Variants in BTBD9 observed in about 807,000 individuals in gnomAD.
The protein encoded by BTBD9 is BTB/POZ domain-containing protein 9.
In BTBD9, 49 loss-of-function variants were observed where a neutral mutation model predicts 64.3. That is an observed-to-expected ratio of 0.76 (90% CI 0.61 to 0.97). The LOEUF is 0.97. BTBD9 is among the 50% of genes least tolerant of loss of function. BTBD9 has a pLI of 0.00. For synonymous variants in BTBD9, 260 were observed against 274.7 expected (o/e 0.95, Z 0.53); for missense variants, 598 against 762.1 (o/e 0.78, Z 2.53).
At chr6:38,335,255 T>A (rs912965177) in intron 7 of BTBD9, among the ~76,000 whole-genome samples, 3 of 62,352 alleles carry the variant, frequency 4.8e-5, no homozygotes, top group Non-Finnish European at 1.1e-4. Flanking sequence ...TAATTTTAAA[T>A]TTTTTTTTTT....
intron 6 of BTBD9, among the ~76,000 whole-genome samples, chr6:38,438,941 C>T (rs1171937438): frequency 6.6e-6 from 1 of 151,960 alleles, no homozygotes; most frequent in Non-Finnish European, 1.5e-5. Context: ...AAAAAGCTGC[C>T]AACAGAGGGG....
chr6:38,310,556 T>C (rs1343531785), intron 7 of BTBD9, among the ~76,000 whole-genome samples: 2 of 152,184 alleles, frequency 1.3e-5, no homozygotes, highest in Non-Finnish European at 2.9e-5. Flanking sequence ...AAAAGTACAA[T>C]AAAAGGTAAT....
intron 6 of BTBD9, among the ~76,000 whole-genome samples, chr6:38,444,753 T>C (rs1375269284): frequency 6.6e-6 from 1 of 152,230 alleles, no homozygotes; most frequent in Non-Finnish European, 1.5e-5. Context: ...CTTGGTTTTA[T>C]ATTAAGTGTA....
intron 6 of BTBD9, among the ~76,000 whole-genome samples, chr6:38,494,395 G>A (rs373379552): frequency 6.6e-6 from 1 of 152,130 alleles, no homozygotes; most frequent in Non-Finnish European, 1.5e-5. Context: ...AAATCAAAGC[G>A]AAACAAAACA....
In BTBD9 at chr6:38,503,321, T is replaced by G. The variant is rs73426898; in HGVS notation, c.1154+74279A>C. Among the ~76,000 whole-genome samples the G allele has an allele frequency of 4.2e-3, 641 of 152,180 alleles. 2 individuals carry two copies. Among genetic ancestry groups the G allele is most frequent in the African/African-American group, 0.015 (615 of 41,512 alleles). On this transcript the variant is annotated intron_variant, in intron 6 of 10. Transcript: ENST00000481247. ...AACAGGGCTGCTGCCCTCCCCCTTC[T>G]CTCCAGGAGACGGCCCAGGCTAATC... is the stretch of plus-strand genomic sequence containing the variant.
chr6:38,455,032 A>T (rs139616152), intron 6 of BTBD9, among the ~76,000 whole-genome samples: 59 of 152,328 alleles, frequency 3.9e-4, no homozygotes, highest in African/African-American at 1.3e-3. Flanking sequence ...CCAGCACAAC[A>T]AGCATTATAA....
intron 6 of BTBD9, among the ~76,000 whole-genome samples, chr6:38,556,515 G>A (rs1221887177): frequency 7.0e-5 from 3 of 42,586 alleles, no homozygotes; most frequent in African/African-American, 4.8e-4. Flanking sequence ...AAGTGTGTGT[G>A]TGTGTGTGTG....
chr6:38,423,892 C>T (rs62397045), intron 6 of BTBD9, among the ~76,000 whole-genome samples: 17,831 of 150,864 alleles, frequency 0.12, 1,236 homozygotes, highest in Non-Finnish European at 0.13. Context: ...AAGTAGTTCA[C>T]GACAGGGCCC....
At chr6:38,253,220 T>C (rs1318842396) in intron 9 of BTBD9, among the ~76,000 whole-genome samples, 2 of 152,202 alleles carry the variant, frequency 1.3e-5, no homozygotes, top group African/African-American at 2.4e-5. Flanking sequence ...ACTGAGTAAC[T>C]GATAAACAAA....
At chr6:38,254,772 G>T (rs1187093634) in intron 9 of BTBD9, among the ~76,000 whole-genome samples, 1 of 152,236 alleles carries the variant, frequency 6.6e-6, no homozygotes, top group Non-Finnish European at 1.5e-5. Flanking sequence ...GCAAGTGCTT[G>T]TGAGAATGTG....
intron 6 of BTBD9, among the ~76,000 whole-genome samples, chr6:38,353,742 A>G (rs928807741): frequency 1.3e-5 from 2 of 152,214 alleles, no homozygotes; most frequent in African/African-American, 4.8e-5. Context: ...AGTTTATCCA[A>G]TAAGCTATGC....
chr6:38,297,222 T>C (rs1762187983), intron 7 of BTBD9, among the ~76,000 whole-genome samples: 2 of 151,952 alleles, frequency 1.3e-5, no homozygotes, highest in African/African-American at 4.8e-5. Flanking sequence ...AAAAATTAGC[T>C]GGGCATGGTG....
intron 6 of BTBD9, among the ~76,000 whole-genome samples, chr6:38,555,168 A>T (rs1774960636): frequency 6.6e-6 from 1 of 152,242 alleles, no homozygotes; most frequent in Admixed American, 6.5e-5. Flanking sequence ...ATTATTGCTC[A>T]TCAAGGTTCT....
intron 7 of BTBD9, among the ~76,000 whole-genome samples, chr6:38,322,132 G>C (rs1176019432): frequency 6.6e-6 from 1 of 152,074 alleles, no homozygotes; most frequent in African/African-American, 2.4e-5. Flanking sequence ...ATCCTCAGCT[G>C]TTAAGTCAGT....
At chr6:38,330,795 T>C (rs941862883) in intron 7 of BTBD9, among the ~76,000 whole-genome samples, 1 of 151,854 alleles carries the variant, frequency 6.6e-6, no homozygotes, top group African/African-American at 2.4e-5. Context: ...AAGAATAAAA[T>C]AAGCAAGAAA....
At chr6:38,483,130 A>G (rs1771237521) in intron 6 of BTBD9, among the ~76,000 whole-genome samples, 1 of 151,114 alleles carries the variant, frequency 6.6e-6, no homozygotes, top group Non-Finnish European at 1.5e-5. Context: ...GTCCCCCTCC[A>G]TCCTCTTCAT....
intron 8 of BTBD9, among the ~76,000 whole-genome samples, chr6:38,257,077 T>C (rs541673435): frequency 6.6e-4 from 99 of 150,002 alleles, no homozygotes; most frequent in African/African-American, 2.1e-3. Context: ...TTTTTTTTTT[T>C]TTTTTTGGTA....
At chr6:38,466,762 G>A (rs1408335014) in intron 6 of BTBD9, among the ~76,000 whole-genome samples, 2 of 151,938 alleles carry the variant, frequency 1.3e-5, no homozygotes, top group Non-Finnish European at 2.9e-5. Flanking sequence ...ATTTTTAGTG[G>A]AGAAAGGGTT....
At chr6:38,224,175 T>C (rs1763308896) in intron 9 of BTBD9, among the ~76,000 whole-genome samples, 1 of 152,056 alleles carries the variant, frequency 6.6e-6, no homozygotes, top group Admixed American at 6.5e-5. Context: ...ATTGTGCCGC[T>C]GCACTCCAGC....
Sources: allele counts gnomAD v4.1 joint callset (sites outside exome capture counted in the v4.1 genomes callset), GRCh38; gene constraint gnomAD v4.1.1; transcripts MANE v1.5; gene names NCBI Gene and HGNC (gene_info 2026-07-23, HGNC 2026-07-21).